The following SEZ6L2 variants were observed in gnomAD, a reference collection of about 807,000 sequenced individuals.
SEZ6L2 encodes seizure 6-like protein 2.
SEZ6L2 carries 44 observed loss-of-function variants against 97.0 expected under a neutral mutation model. The observed-to-expected ratio is 0.45, with a 90% CI of 0.36 to 0.58. SEZ6L2 has a LOEUF of 0.58. Among genes scored for constraint, SEZ6L2 ranks in the 20% least tolerant of loss-of-function variants. SEZ6L2 has a pLI of 0.00. For synonymous variants in SEZ6L2, 543 were observed against 546.1 expected, an observed-to-expected ratio of 0.99 and a Z score of 0.08; for missense variants, 1,086 against 1,233.3, an observed-to-expected ratio of 0.88 and a Z score of 1.79.
intron 12 of SEZ6L2, among the ~76,000 whole-genome samples, chr16:29,875,969 C>A (rs771570079): frequency 2.6e-5 from 4 of 152,030 alleles, no homozygotes; most frequent in African/African-American, 4.8e-5. Context: ...AATGTCACCT[C>A]CTCTGTGAAA....
chr16:29,888,351 A>G (rs1315436322), intron 6 of SEZ6L2, among the ~76,000 whole-genome samples, 189 bp downstream of exon 6: 1 of 152,060 alleles, frequency 6.6e-6, no homozygotes, highest in East Asian at 1.9e-4. Flanking sequence ...AAGGATGGAG[A>G]AACCCCAAGG....
rs752950112 is a variant in SEZ6L2 at position 29,878,309 on chromosome 16, G to A, written c.1690C>T (p.Arg564Cys). ...VWGVHVQEEKRILLQVEILNV... is the reference protein window; with the variant it reads ...VWGVHVQEEKCILLQVEILNV... Reference sequence around the variant, plus strand: ...TACATCTCAACTTGGAGCAAGATGCGCTTCTCTTCCTGGACGTGCACGCCC... The same window carrying A: ...TACATCTCAACTTGGAGCAAGATGCACTTCTCTTCCTGGACGTGCACGCCC... Residue 564 changes from arginine (R) to cysteine (C), a missense_variant, in exon 10 of 18, where the codon CGC becomes TGC. By Grantham distance (180) the Arg-to-Cys change is radical. This residue lies in a region of SEZ6L2 where 776 missense variants were observed against 794.7 expected (regional missense o/e 0.98). Transcript: ENST00000617533. 5 of 1,593,060 alleles carry A rather than the reference G, an allele frequency of 3.1e-6. No homozygotes were observed. Among genetic ancestry groups the A allele is most frequent in the Non-Finnish European group, 1.7e-6 (2 of 1,168,702 alleles).
At chr16:29,888,436 G>T in intron 6 of SEZ6L2, 104 bp downstream of exon 6, 1 of 1,259,830 alleles carries the variant, frequency 7.9e-7, no homozygotes, top group Non-Finnish European at 1.1e-6. Flanking sequence ...CACCCCTTCA[G>T]AATGGGTTTT....
At position 29,873,893 on chromosome 16, in the gene SEZ6L2, G is replaced by A. The variant is rs2067843865; in HGVS notation, c.2105-164C>T. 6.6e-6 allele frequency among the ~76,000 whole-genome samples: 1 copy of A among 152,072 alleles called. No individual in the cohort carries two copies. The highest frequency in any genetic ancestry group is 1.5e-5 in the Non-Finnish European group (1 of 68,004). On this transcript the variant is annotated intron_variant, in intron 12 of 17. Coordinates refer to ENST00000617533, the MANE Select transcript of SEZ6L2 (RefSeq NM_001243332.2). The surrounding 1 kb of genome is among the most constrained non-coding windows in gnomAD (Gnocchi z 4.3). ...GGAGTTGGAGGCGGGATGATCGCTC[G>A]AACCCAGCAGGTCGAGGCTGCAGTG...
At chr16:29,887,853 G>C in intron 6 of SEZ6L2, 36 bp from the exon 7 acceptor site, 1 of 1,608,212 alleles carries the variant, frequency 6.2e-7, no homozygotes, top group South Asian at 1.1e-5. Flanking sequence ...AGGCCAGCCT[G>C]AGGTGAACTG....
At chr16:29,882,532 G>A (rs2068051847) in intron 8 of SEZ6L2, among the ~76,000 whole-genome samples, 1 of 150,752 alleles carries the variant, frequency 6.6e-6, no homozygotes, top group East Asian at 2.0e-4. Context: ...AGCCGAGATT[G>A]CGCCATTGCA....
intron 4 of SEZ6L2, 80 bp from the exon 5 acceptor site, chr16:29,895,540 C>A (rs2068366822): frequency 6.6e-7 from 1 of 1,522,788 alleles, no homozygotes; most frequent in Non-Finnish European, 9.0e-7. Flanking sequence ...GTGCCTTTGC[C>A]CTGTGTGTAG....
Position 29,896,991 on chromosome 16 carries a change from C to A in SEZ6L2, c.342G>T (p.Gly114=). ...GCAGTTCTGGCGCAGTGGGGCCTGC[C>A]CCCCTGACCCCGTTAGGGGTGACGG... The part of the protein sequence containing the change: ...TTAVTPNGVR[G]AGPTAPELLT... The change falls in exon 3 of 18, where the codon GGG becomes GGT. Residue 114 remains glycine (G), a synonymous_variant. Coordinates refer to ENST00000617533, the MANE Select transcript of SEZ6L2 (RefSeq NM_001243332.2). 1 of 1,588,518 alleles carries A rather than the reference C, an allele frequency of 6.3e-7. No homozygotes were observed. Among genetic ancestry groups the A allele is most frequent in the Non-Finnish European group, 8.5e-7 (1 of 1,170,340 alleles).
Position 29,888,650 on chromosome 16 carries a change from C to T in SEZ6L2, c.929G>A (p.Gly310Asp), listed in dbSNP as rs752413264. Residue 310 changes from glycine (G) to aspartate (D), a missense_variant, in exon 6 of 18, where the codon GGC (glycine) becomes GAC (aspartate). Gly to Asp is a moderately conservative substitution (Grantham distance 94, BLOSUM62 -1). Transcript: ENST00000617533. ...CGAATCACAGTGAAAGGTGGCAGTG[C>T]CCCCAGGGTGCAGGTCCGTCACACT... ...DVSVTDLHPG[G>D]TATFHCDSGY... 3.7e-6 allele frequency: 6 copies of T among 1,613,816 alleles called. No homozygotes were observed. In the South Asian group the frequency reaches 5.5e-5, roughly 15 times the overall value.
intron 12 of SEZ6L2, among the ~76,000 whole-genome samples, chr16:29,874,696 G>A (rs774220988): frequency 2.7e-5 from 4 of 150,212 alleles, no homozygotes; most frequent in African/African-American, 4.9e-5. Flanking sequence ...TCAGCCTCCC[G>A]AGTAGCTGCG....
chr16:29,871,786 C>T lies in SEZ6L2; in HGVS notation c.2743-58G>A, dbSNP rs375164134. 378 of 1,522,214 alleles carry T rather than the reference C, an allele frequency of 2.5e-4. 1 individual carries two copies. Among genetic ancestry groups the T allele is most frequent in the Non-Finnish European group, 3.2e-4 (355 of 1,109,096 alleles). The allele number at this position is 1,522,214 out of a possible 1,614,324, so 94.3% of individuals were successfully genotyped here. On this transcript the variant is annotated intron_variant, in intron 17 of 17. Transcript: ENST00000617533. Reference sequence around the variant, plus strand: ...GTCTGATAGGGGTGGAAGAGGCAGCCGAATGGGAGGAGGGGCAACGATCCT... The same window carrying T: ...GTCTGATAGGGGTGGAAGAGGCAGCTGAATGGGAGGAGGGGCAACGATCCT...
chr16:29,883,796 G>T (rs1293586381), intron 8 of SEZ6L2, among the ~76,000 whole-genome samples: 5 of 152,094 alleles, frequency 3.3e-5, no homozygotes, highest in African/African-American at 7.2e-5. Context: ...CCCAGGCATG[G>T]TGCCGAACGC....
chr16:29,898,822 C>T, intron 1 of SEZ6L2, 119 bp downstream of exon 1: 2 of 756,128 alleles, frequency 2.6e-6, no homozygotes, highest in Non-Finnish European at 4.3e-6. Flanking sequence ...CCTTCCCCAT[C>T]AGCTGTGCCT....
chr16:29,886,261 C>A (rs1341612435), intron 7 of SEZ6L2, among the ~76,000 whole-genome samples: 1 of 152,144 alleles, frequency 6.6e-6, no homozygotes, highest in African/African-American at 2.4e-5. Flanking sequence ...CCCAGCTACT[C>A]AGGAGGCTGA....
rs932748068 is a variant in SEZ6L2 at position 29,897,976 on chromosome 16, G to A, written c.88C>T (p.Leu30=). ...LSCPWIQGLP[L]KEEEILPEPG... ...TCTGGCAATATCTCCTCCTCCTTCA[G>A]GGGCAGACCTAGGAGGTGAAGTTGT... The change falls in exon 2 of 18, where the codon CTG becomes TTG. Residue 30 remains leucine, a synonymous_variant. Coordinates refer to ENST00000617533, the MANE Select transcript of SEZ6L2 (RefSeq NM_001243332.2). 2 of 1,613,156 alleles carry A rather than the reference G, an allele frequency of 1.2e-6. No individual in the cohort carries two copies. Among genetic ancestry groups the A allele is most frequent in the African/African-American group, 1.3e-5 (1 of 74,880 alleles).
At chr16:29,875,854 G>C (rs2067893096) in intron 12 of SEZ6L2, among the ~76,000 whole-genome samples, 1 of 151,604 alleles carries the variant, frequency 6.6e-6, no homozygotes, top group South Asian at 2.1e-4. Flanking sequence ...TAGAGACGGG[G>C]TTTCACCATG....
Position 29,879,546 on chromosome 16 carries a change from G to A in SEZ6L2, c.1573+318C>T, listed in dbSNP as rs116951471. Reference sequence around the variant, plus strand: ...AGCCATGATCTACCTGTTTCTTGCCGCATCTAGGTCCTGTTGTGTTCAATA... The same window carrying A: ...AGCCATGATCTACCTGTTTCTTGCCACATCTAGGTCCTGTTGTGTTCAATA... On this transcript the variant is annotated intron_variant, in intron 9 of 17. Transcript: ENST00000617533. Among the ~76,000 whole-genome samples, 73 of 152,200 alleles carry A rather than the reference G, an allele frequency of 4.8e-4. 1 individual carries two copies. The East Asian group carries it at 0.012, about 25-fold the overall frequency.
At chr16:29,889,673 G>C (rs2068229936) in intron 5 of SEZ6L2, among the ~76,000 whole-genome samples, 1 of 136,876 alleles carries the variant, frequency 7.3e-6, no homozygotes, top group African/African-American at 2.7e-5. Context: ...TGTTGCCCAG[G>C]CTGGAGTGCA....
In SEZ6L2 at chr16:29,898,423, T is replaced by TTCTCTCTC. The variant is rs112555002; in HGVS notation, c.80-447_80-440dup. 5.7e-3 allele frequency among the ~76,000 whole-genome samples: 837 copies of TTCTCTCTC among 146,788 alleles called. 9 individuals are homozygous for TTCTCTCTC. Among genetic ancestry groups the TTCTCTCTC allele is most frequent in the African/African-American group, 0.02 (783 of 39,486 alleles). ...TCTGTCTCTGCAGTGTGGCTGTCTT[T>TTCTCTCTC]TCTCTCTCTCTCTCTCTCTCTCTCC... is the stretch of plus-strand genomic sequence containing the variant. On this transcript the variant is annotated intron_variant, in intron 1 of 17. Transcript: ENST00000617533.
Sources: allele counts gnomAD v4.1 joint callset (sites outside exome capture counted in the v4.1 genomes callset), GRCh38; gene constraint gnomAD v4.1.1; regional missense constraint gnomAD v4.1.1; non-coding constraint Gnocchi (gnomAD v3.1); transcripts MANE v1.5; gene names NCBI Gene and HGNC (gene_info 2026-07-23, HGNC 2026-07-21).